PCDH11X: variants seen among roughly 807,000 people sequenced by gnomAD.
PCDH11X encodes protocadherin 11 X-linked, also known as protocadherin-11 X-linked.
A neutral mutation model predicts 53.3 loss-of-function variants in PCDH11X; 18 were observed. The observed-to-expected ratio is 0.34, with a 90% CI of 0.23 to 0.50. The LOEUF (loss-of-function observed/expected upper bound fraction) is 0.50. PCDH11X is among the 20% of genes least tolerant of loss of function. The pLI is 0.98. For synonymous variants in PCDH11X, 279 were observed against 393.3 expected (o/e 0.71, Z 3.44); for missense variants, 570 against 1,032.4 (o/e 0.55, Z 6.14).
chrX:92,300,154 C>T (rs2068691034), intron 8 of PCDH11X, among the ~76,000 whole-genome samples: 1 of 109,436 alleles, frequency 9.1e-6, no homozygotes, highest in Non-Finnish European at 1.9e-5. Flanking sequence ...TTTTATTGCA[C>T]TGTGGTCCGA....
intron 6 of PCDH11X, among the ~76,000 whole-genome samples, chrX:91,936,545 A>G (rs1389418240): frequency 9.3e-6 from 1 of 107,073 alleles, no homozygotes; most frequent in Non-Finnish European, 1.9e-5. Context: ...CAAAACATTT[A>G]TATAATATAA....
intron 9 of PCDH11X, among the ~76,000 whole-genome samples, chrX:92,410,231 A>G (rs929686647): frequency 9.0e-6 from 1 of 110,538 alleles, no homozygotes; most frequent in African/African-American, 3.3e-5. Flanking sequence ...AGGAAGGAAA[A>G]TCTTATTTAG....
At chrX:92,205,325 CATAAT>C (rs2066456291) in intron 7 of PCDH11X, among the ~76,000 whole-genome samples, 1 of 111,763 alleles carries the variant, frequency 8.9e-6, no homozygotes. Context: ...ACAAAGCAAA[CATAAT>C]ATAATAATCC....
At chrX:92,313,251 T>C (rs1468816617) in intron 8 of PCDH11X, among the ~76,000 whole-genome samples, 1 of 110,725 alleles carries the variant, frequency 9.0e-6, no homozygotes, top group Non-Finnish European at 1.9e-5. Context: ...AACAGGGACA[T>C]TGCAATGTAC....
intron 8 of PCDH11X, among the ~76,000 whole-genome samples, chrX:92,363,857 T>A (rs1470245406): frequency 3.6e-5 from 4 of 111,205 alleles, no homozygotes; most frequent in African/African-American, 6.5e-5. Context: ...GTGTTTTTTT[T>A]AAAATCATAA....
In PCDH11X at chrX:92,387,960, A is replaced by T. The variant is rs781116494; in HGVS notation, c.3343+27A>T. On this transcript the variant is annotated intron_variant, in intron 9 of 10. Coordinates refer to ENST00000682573, the MANE Select transcript of PCDH11X (RefSeq NM_032968.5). ...TAAGTGATACCTCTCTGGTTCCTCA[A>T]TATAAACGGGCTTACTGTGTTTGCA... 3 of 1,192,890 alleles carry T rather than the reference A, an allele frequency of 2.5e-6. No homozygotes were observed. The African/African-American group carries it at 5.3e-5, about 21-fold the overall frequency.
intron 4 of PCDH11X, among the ~76,000 whole-genome samples, chrX:91,816,621 C>A (rs1936459765): frequency 1.8e-5 from 2 of 110,917 alleles, no homozygotes; most frequent in Admixed American, 9.7e-5. Flanking sequence ...GGAAAGTCTG[C>A]ACAAAAGTAG....
At chrX:92,285,647 A>C (rs1156962064) in intron 8 of PCDH11X, among the ~76,000 whole-genome samples, 1 of 110,783 alleles carries the variant, frequency 9.0e-6, no homozygotes, top group African/African-American at 3.3e-5. Context: ...AAAACTGAAA[A>C]CAAGGAAACA....
At chrX:91,883,774 C>G in intron 6 of PCDH11X, 1 of 691,907 alleles carries the variant, frequency 1.4e-6, no homozygotes, top group Non-Finnish European at 1.7e-6. Flanking sequence ...CACTGCACTC[C>G]AGCCTGGGTG....
intron 9 of PCDH11X, among the ~76,000 whole-genome samples, chrX:92,434,318 A>G (rs2072319640): frequency 9.2e-6 from 1 of 109,196 alleles, no homozygotes; most frequent in African/African-American, 3.4e-5. Flanking sequence ...TTTTTCACTA[A>G]TCTTAGCAAG....
intron 1 of PCDH11X, among the ~76,000 whole-genome samples, chrX:91,802,170 C>A (rs1935957902): frequency 8.8e-6 from 1 of 113,136 alleles, no homozygotes; most frequent in Admixed American, 9.3e-5. Context: ...AATCTGTGTT[C>A]CCCCTCAGGG....
chrX:91,806,274 A>G (rs1254363688), intron 1 of PCDH11X, among the ~76,000 whole-genome samples: 4 of 114,188 alleles, frequency 3.5e-5, no homozygotes, highest in African/African-American at 1.3e-4. Context: ...ACCTCCACTT[A>G]AAGAGTTTGA....
At chrX:91,845,011 A>G (rs1331952550) in intron 5 of PCDH11X, among the ~76,000 whole-genome samples, 1 of 111,712 alleles carries the variant, frequency 9.0e-6, no homozygotes, top group Non-Finnish European at 1.9e-5. Flanking sequence ...CTATAAATAA[A>G]TTAAGAAGTT....
intron 4 of PCDH11X, among the ~76,000 whole-genome samples, chrX:91,832,473 T>A (rs867993155): frequency 2.6e-5 from 2 of 77,319 alleles, no homozygotes; most frequent in African/African-American, 1.0e-4. Context: ...GTGGGGAACA[T>A]CACACATCGG....
chrX:92,326,901 A>AAG (rs1321261925), intron 8 of PCDH11X, among the ~76,000 whole-genome samples: 1 of 108,194 alleles, frequency 9.2e-6, no homozygotes, highest in Non-Finnish European at 1.9e-5. Context: ...TCATCTCATA[A>AAG]TTTGCAGATG....
intron 10 of PCDH11X, among the ~76,000 whole-genome samples, chrX:92,595,144 T>A (rs140742730): frequency 0.069 from 7,539 of 108,866 alleles, 250 homozygotes; most frequent in South Asian, 0.21. Flanking sequence ...TTTTAAGGAG[T>A]CAAAGTTGAC....
At chrX:92,279,100 C>G (rs962222886) in intron 8 of PCDH11X, among the ~76,000 whole-genome samples, 13 of 111,938 alleles carry the variant, frequency 1.2e-4, no homozygotes, top group African/African-American at 3.9e-4. Context: ...CGTAAGCCAC[C>G]ATGCCCAGCC....
At chrX:91,791,965 C>T (rs1385796454) in intron 1 of PCDH11X, among the ~76,000 whole-genome samples, 15 of 107,312 alleles carry the variant, frequency 1.4e-4, no homozygotes, top group African/African-American at 5.1e-4. Context: ...GGGTTCACGC[C>T]ATTCTCCTGC....
intron 9 of PCDH11X, among the ~76,000 whole-genome samples, chrX:92,412,975 A>G (rs1569483017): frequency 9.6e-6 from 1 of 104,038 alleles, no homozygotes; most frequent in Non-Finnish European, 2.0e-5. Flanking sequence ...GACAGCATGT[A>G]TAATTTATCT....
Sources: gnomAD v4.1 joint callset for allele counts (sites outside exome capture counted in the v4.1 genomes callset) on GRCh38, gnomAD v4.1.1 for gene constraint, MANE v1.5 for transcripts, NCBI Gene and HGNC (gene_info 2026-07-23, HGNC 2026-07-21) for gene names.